PHACTR4: variants seen among roughly 807,000 people sequenced by gnomAD.
PHACTR4 encodes the protein phosphatase and actin regulator 4, also known as protein phosphatase 1, regulatory subunit 124.
Under a neutral mutation model 72.7 loss-of-function variants are expected in PHACTR4, and 51 were observed. The ratio of observed to expected loss-of-function variants is 0.70; its 90% CI spans 0.56 to 0.89. The LOEUF is 0.89. Among genes scored for constraint, PHACTR4 ranks in the 40% least tolerant of loss-of-function variants. PHACTR4 has a pLI of 0.00. For synonymous variants in PHACTR4, 255 were observed against 302.5 expected (o/e 0.84, Z 1.63); for missense variants, 731 against 861.8 (o/e 0.85, Z 1.90).
At chr1:28,443,718 G>T (rs1657220137) in intron 2 of PHACTR4, among the ~76,000 whole-genome samples, 1 of 152,060 alleles carries the variant, frequency 6.6e-6, no homozygotes. Context: ...GCCTTCCAAA[G>T]TGCTGGGATT....
At chr1:28,371,030 C>A (rs1472454290) in intron 1 of PHACTR4, among the ~76,000 whole-genome samples, 1 of 152,204 alleles carries the variant, frequency 6.6e-6, no homozygotes, top group African/African-American at 2.4e-5. Flanking sequence ...TGGATTCGAT[C>A]AAATTTGGCT....
In PHACTR4 at chr1:28,474,158, G is replaced by T. The variant is rs756464966; in HGVS notation, c.1421+7G>T. The T allele has an allele frequency of 5.7e-6, 9 of 1,589,838 alleles. No homozygotes were observed. The highest frequency in any genetic ancestry group is 6.9e-6 in the Non-Finnish European group (8 of 1,166,794). On this transcript the variant is annotated splice_region_variant and intron_variant, in intron 7 of 13. Transcript: ENST00000373839. ...CTATTGAAATGCTAAAAGTGTAAGT[G>T]CCTTTAAAGCTTGCCTCTTATTTCT...
At chr1:28,374,196 C>T (rs1025114867) in intron 1 of PHACTR4, among the ~76,000 whole-genome samples, 2 of 152,174 alleles carry the variant, frequency 1.3e-5, no homozygotes, top group Admixed American at 6.6e-5. Flanking sequence ...GTGAGTTACT[C>T]AGTTTTGGTT....
intron 2 of PHACTR4, chr1:28,438,205 C>T: frequency 1.5e-6 from 2 of 1,343,992 alleles, no homozygotes; most frequent in Non-Finnish European, 1.9e-6. Context: ...TGCAAGTGCT[C>T]AGGCTGTATG....
chr1:28,411,587 G>C (rs1256489455), intron 2 of PHACTR4, among the ~76,000 whole-genome samples: 1 of 152,134 alleles, frequency 6.6e-6, no homozygotes, highest in Non-Finnish European at 1.5e-5. Flanking sequence ...AAAGAATTGA[G>C]GATGTAAAAT....
chr1:28,495,037 GA>G (rs1661262945), intron 13 of PHACTR4, among the ~76,000 whole-genome samples: 2 of 152,188 alleles, frequency 1.3e-5, no homozygotes. Context: ...TTCAAGCATA[GA>G]ATCAACAAGA....
At chr1:28,434,784 C>T (rs975934155) in intron 2 of PHACTR4, among the ~76,000 whole-genome samples, 5 of 151,868 alleles carry the variant, frequency 3.3e-5, no homozygotes, top group South Asian at 2.1e-4. Flanking sequence ...CTCCTACCTT[C>T]GCCTGTCCAA....
intron 9 of PHACTR4, among the ~76,000 whole-genome samples, chr1:28,480,885 C>T (rs191959909): frequency 1.3e-5 from 2 of 152,230 alleles, no homozygotes; most frequent in East Asian, 3.9e-4. Flanking sequence ...GACAGCGTTT[C>T]GCCATGTTGG....
chr1:28,429,823 G>C (rs906858775), intron 2 of PHACTR4, among the ~76,000 whole-genome samples: 1 of 152,166 alleles, frequency 6.6e-6, no homozygotes, highest in Non-Finnish European at 1.5e-5. Flanking sequence ...AACAGAGTAT[G>C]ATAACTTAGG....
chr1:28,399,602 A>G (rs373042500), intron 1 of PHACTR4, among the ~76,000 whole-genome samples: 44 of 152,034 alleles, frequency 2.9e-4, no homozygotes, highest in African/African-American at 1.1e-3. Flanking sequence ...TTCAGTAAGT[A>G]TTTTCTTAGT....
rs774985635 is a variant in PHACTR4, at chr1:28,407,474, C to A, written c.16+11C>A. On this transcript the variant is annotated intron_variant, in intron 2 of 13. Transcript: ENST00000373839. ...TGGAAGATCCATTTGGTGAGTATCA[C>A]CTACATTGTTCTTAGTAAATGACAT... 6.2e-7 allele frequency: 1 copy of A among 1,601,938 alleles called. No homozygotes were observed. Among genetic ancestry groups the A allele is most frequent in the Non-Finnish European group, 8.5e-7 (1 of 1,170,342 alleles).
At chr1:28,402,528 G>A (rs1477481955) in intron 1 of PHACTR4, among the ~76,000 whole-genome samples, 1 of 152,100 alleles carries the variant, frequency 6.6e-6, no homozygotes, top group Non-Finnish European at 1.5e-5. Flanking sequence ...AAGATGGGAG[G>A]ATCACTTGAG....
intron 2 of PHACTR4, among the ~76,000 whole-genome samples, chr1:28,443,439 A>G (rs941861150): frequency 2.0e-5 from 3 of 148,478 alleles, no homozygotes; most frequent in African/African-American, 7.4e-5. Context: ...ACACTGTCAT[A>G]CCCAGCTAAT....
intron 4 of PHACTR4, among the ~76,000 whole-genome samples, chr1:28,460,619 G>A (rs905129797): frequency 1.3e-5 from 2 of 151,798 alleles, no homozygotes; most frequent in African/African-American, 2.4e-5. Context: ...AGCAATTCTC[G>A]TGCCTCAGCC....
intron 9 of PHACTR4, among the ~76,000 whole-genome samples, chr1:28,480,933 C>G (rs985398136): frequency 6.6e-6 from 1 of 152,172 alleles, no homozygotes; most frequent in African/African-American, 2.4e-5. Context: ...AAGTGATCAC[C>G]CACCTTGGCC....
intron 2 of PHACTR4, among the ~76,000 whole-genome samples, chr1:28,455,376 T>C (rs1465560236): frequency 6.6e-6 from 1 of 151,720 alleles, no homozygotes; most frequent in Non-Finnish European, 1.5e-5. Context: ...TTTGTATTTT[T>C]AGTAGAGACG....
intron 2 of PHACTR4, 111 bp downstream of exon 2, chr1:28,407,574 T>C: frequency 1.2e-6 from 1 of 819,808 alleles, no homozygotes; most frequent in Non-Finnish European, 1.9e-6. Context: ...TGCTACTCTC[T>C]AGAATAATGG....
At chr1:28,371,985 G>T (rs914315336) in intron 1 of PHACTR4, among the ~76,000 whole-genome samples, 1 of 151,746 alleles carries the variant, frequency 6.6e-6, no homozygotes, top group African/African-American at 2.4e-5. Context: ...GGTTTCAAGC[G>T]ATTCTCCTGC....
intron 2 of PHACTR4, among the ~76,000 whole-genome samples, chr1:28,451,432 G>C (rs563807158): frequency 6.9e-4 from 103 of 150,248 alleles, no homozygotes; most frequent in Non-Finnish European, 1.3e-3. Flanking sequence ...TTGCTGTGTT[G>C]CCCAGGCTGG....
Sources: allele counts gnomAD v4.1 joint callset (sites outside exome capture counted in the v4.1 genomes callset), GRCh38; gene constraint gnomAD v4.1.1; transcripts MANE v1.5; gene names NCBI Gene and HGNC (gene_info 2026-07-23, HGNC 2026-07-21).